Variants in STX8 observed in about 807,000 individuals in gnomAD.
The protein encoded by STX8 is syntaxin-8.
A neutral mutation model predicts 37.5 loss-of-function variants in STX8; 23 were observed. That is an observed-to-expected ratio of 0.61 (90% CI 0.44 to 0.87). The LOEUF is 0.87. Ranked by LOEUF, STX8 falls within the 40% of genes least tolerant of loss-of-function variation. STX8 has a pLI of 0.00. For missense variants in STX8, 313 were observed against 284.7 expected (o/e 1.10, Z -0.71); for synonymous variants, 115 against 99.1 (o/e 1.16, Z -0.95).
intron 6 of STX8, among the ~76,000 whole-genome samples, chr17:9,450,620 G>T (rs1243790231): frequency 6.6e-6 from 1 of 151,524 alleles, no homozygotes; most frequent in African/African-American, 2.4e-5. Flanking sequence ...ATGTTCATAG[G>T]CACATTTTTA....
intron 6 of STX8, among the ~76,000 whole-genome samples, chr17:9,416,159 TG>T (rs1180749221): frequency 6.6e-6 from 1 of 152,168 alleles, no homozygotes; most frequent in African/African-American, 2.4e-5. Flanking sequence ...ATTAAAAGCA[TG>T]TGGGTTATTT....
intron 6 of STX8, among the ~76,000 whole-genome samples, chr17:9,395,007 C>T (rs1043476505): frequency 6.6e-6 from 1 of 150,562 alleles, no homozygotes; most frequent in Non-Finnish European, 1.5e-5. Flanking sequence ...ACCCGGGAGG[C>T]AGAGGTTGCA....
At chr17:9,539,291 C>T (rs1159961389) in intron 4 of STX8, among the ~76,000 whole-genome samples, 1 of 151,886 alleles carries the variant, frequency 6.6e-6, no homozygotes, top group Non-Finnish European at 1.5e-5. Context: ...GAAAGGCCCT[C>T]GGGAATGAGG....
chr17:9,383,718 G>A (rs968844591), intron 6 of STX8, among the ~76,000 whole-genome samples: 3 of 152,086 alleles, frequency 2.0e-5, no homozygotes, highest in African/African-American at 2.4e-5. Flanking sequence ...CCCAGAAAAC[G>A]ATAAAGTCTA....
intron 6 of STX8, among the ~76,000 whole-genome samples, chr17:9,478,434 C>T (rs796335392): frequency 1.3e-5 from 2 of 152,298 alleles, no homozygotes; most frequent in African/African-American, 4.8e-5. Context: ...CTGCGCCCAG[C>T]CCTGAAATGC....
At chr17:9,464,165 A>G (rs895021143) in intron 6 of STX8, among the ~76,000 whole-genome samples, 1 of 152,246 alleles carries the variant, frequency 6.6e-6, no homozygotes, top group East Asian at 1.9e-4. Context: ...ACATCTTCCT[A>G]AATCTGATTC....
chr17:9,472,979 A>T (rs1905938704), intron 6 of STX8, among the ~76,000 whole-genome samples: 1 of 152,100 alleles, frequency 6.6e-6, no homozygotes, highest in South Asian at 2.1e-4. Context: ...CAAACCCATC[A>T]CCAGAGCTAA....
At chr17:9,440,393 C>T (rs1904598343) in intron 6 of STX8, among the ~76,000 whole-genome samples, 1 of 152,144 alleles carries the variant, frequency 6.6e-6, no homozygotes. Context: ...TCAAATGTGT[C>T]CCCTGCTTTT....
chr17:9,561,664 CAAAAAAAAAAAAA>C (rs11353116), intron 2 of STX8, among the ~76,000 whole-genome samples: 169 of 66,700 alleles, frequency 2.5e-3, no homozygotes, highest in Non-Finnish European at 3.1e-3. Context: ...TCCATCTGGC[CAAAAAAAAAAAAA>C]AAAAAAAAAG....
At chr17:9,329,670 C>T (rs1488299131) in intron 7 of STX8, among the ~76,000 whole-genome samples, 1 of 152,222 alleles carries the variant, frequency 6.6e-6, no homozygotes, top group Non-Finnish European at 1.5e-5. Context: ...TCCCATCGGA[C>T]CACTCAGGCC....
At chr17:9,563,912 C>A (rs1907352956) in intron 2 of STX8, among the ~76,000 whole-genome samples, 1 of 152,146 alleles carries the variant, frequency 6.6e-6, no homozygotes, top group Admixed American at 6.6e-5. Context: ...TAGGCTTTAT[C>A]CCTGGGATGC....
chr17:9,378,679 T>C (rs769733431), intron 6 of STX8, 26 bp from the exon 7 acceptor site: 2 of 1,558,634 alleles, frequency 1.3e-6, no homozygotes, highest in Non-Finnish European at 1.8e-6. Context: ...ACATGATTAC[T>C]ATTCCTGAAA....
intron 7 of STX8, among the ~76,000 whole-genome samples, chr17:9,331,449 G>A (rs1909958860): frequency 6.6e-6 from 1 of 152,028 alleles, no homozygotes; most frequent in African/African-American, 2.4e-5. Context: ...CCAGGAGTAT[G>A]AATTGCTTTA....
At chr17:9,321,390 C>A (rs973829896) in intron 7 of STX8, among the ~76,000 whole-genome samples, 1 of 151,398 alleles carries the variant, frequency 6.6e-6, no homozygotes, top group African/African-American at 2.4e-5. Context: ...ATTAGCCGGG[C>A]GTGGTGGCAG....
At chr17:9,350,596 G>A (rs991791737) in intron 7 of STX8, among the ~76,000 whole-genome samples, 2 of 151,776 alleles carry the variant, frequency 1.3e-5, no homozygotes, top group South Asian at 2.1e-4. Flanking sequence ...GCAGTGGCAC[G>A]ATCTCGGCTC....
At chr17:9,388,070 ATTTT>A (rs573146328) in intron 6 of STX8, among the ~76,000 whole-genome samples, 2 of 130,336 alleles carry the variant, frequency 1.5e-5, no homozygotes, top group African/African-American at 5.5e-5. Flanking sequence ...AAACAACTCT[ATTTT>A]TTTTTTTTTT....
At position 9,424,481 on chromosome 17, in the gene STX8, G is replaced by A. The variant is rs530479671; in HGVS notation, c.542-45828C>T. On this transcript the variant is annotated intron_variant, in intron 6 of 7. Coordinates refer to ENST00000306357, the MANE Select transcript of STX8 (RefSeq NM_004853.3). Reference sequence around the variant, plus strand: ...TGCCTCCAGGCCCTCTCTCTGCCTGGGGCCTCGTGTTACACCTGCCTAAAG... The same window carrying A: ...TGCCTCCAGGCCCTCTCTCTGCCTGAGGCCTCGTGTTACACCTGCCTAAAG... 1.2e-3 allele frequency among the ~76,000 whole-genome samples: 180 copies of A among 152,092 alleles called. 1 individual carries two copies. Among genetic ancestry groups the A allele is most frequent in the African/African-American group, 4.2e-3 (173 of 41,480 alleles).
In STX8 at chr17:9,263,791, C is replaced by T. The variant is rs75717343; in HGVS notation, c.644-13146G>A. Among the ~76,000 whole-genome samples the T allele has an allele frequency of 8.9e-3, 1,351 of 152,240 alleles. 15 individuals are homozygous for T. Among genetic ancestry groups the T allele is most frequent in the African/African-American group, 0.03 (1,239 of 41,546 alleles). On this transcript the variant is annotated intron_variant, in intron 7 of 7. Coordinates refer to ENST00000306357, the MANE Select transcript of STX8 (RefSeq NM_004853.3). ...TGTGCATTTTTTATTTTGATAGTCTCGCTAATTGTATTTTCTGACGGCATT... is the reference window on the plus strand; with the variant it reads ...TGTGCATTTTTTATTTTGATAGTCTTGCTAATTGTATTTTCTGACGGCATT...
At chr17:9,370,734 T>C (rs1231338396) in intron 7 of STX8, among the ~76,000 whole-genome samples, 1 of 152,188 alleles carries the variant, frequency 6.6e-6, no homozygotes, top group Non-Finnish European at 1.5e-5. Flanking sequence ...CTTTCACAAT[T>C]GGCGCCCTCT....
Sources: allele counts gnomAD v4.1 joint callset (sites outside exome capture counted in the v4.1 genomes callset), GRCh38; gene constraint gnomAD v4.1.1; transcripts MANE v1.5; gene names NCBI Gene and HGNC (gene_info 2026-07-23, HGNC 2026-07-21).